The following IMPG2 variants were observed in gnomAD, a reference collection of about 807,000 sequenced individuals.
The protein encoded by IMPG2 is IPM 200.
In IMPG2, 91 loss-of-function variants were observed where a neutral mutation model predicts 129.2. That is an observed-to-expected ratio of 0.70 (90% CI 0.59 to 0.84). IMPG2 has a LOEUF of 0.84. IMPG2 is among the 40% of genes least tolerant of loss of function. The probability of loss-of-function intolerance (pLI) is 0.00; values close to 1 mark genes in which losing one functional copy is unlikely to be tolerated. For missense variants in IMPG2, 1,430 were observed against 1,461.7 expected (o/e 0.98, Z 0.35); for synonymous variants, 510 against 517.7 (o/e 0.99, Z 0.20).
At chr3:101,275,849 G>A in intron 5 of IMPG2, 104 bp from the exon 6 acceptor site, 1 of 855,654 alleles carries the variant, frequency 1.2e-6, no homozygotes, top group South Asian at 1.4e-5. Context: ...CCTATAAATA[G>A]TTTGTTTTAT....
chr3:101,225,380 T>C lies in IMPG2; in HGVS notation c.*1589A>G, dbSNP rs6798685. On this transcript the variant is annotated 3_prime_UTR_variant, in exon 19 of 19. Coordinates refer to ENST00000193391, the MANE Select transcript of IMPG2 (RefSeq NM_016247.4). ...GGAGCCACCTTGGCGCGGGCGCACA[T>C]GCGCATTAGCGCGCACACGCACACA... is the stretch of plus-strand genomic sequence containing the variant. The C allele has an allele frequency of 0.13, 19,911 of 152,402 alleles. 1,368 individuals carry two copies. Among genetic ancestry groups the C allele is most frequent in the South Asian group, 0.17 (827 of 4,830 alleles). The allele number at this position is 152,402 out of a possible 1,614,324, so 9.4% of individuals were successfully genotyped here. A position where few individuals can be genotyped will look rare whatever the true frequency, so the allele number is the denominator to read the frequency against.
chr3:101,305,203 T>C (rs1384526259), intron 2 of IMPG2, among the ~76,000 whole-genome samples: 1 of 152,108 alleles, frequency 6.6e-6, no homozygotes, highest in African/African-American at 2.4e-5. Flanking sequence ...TGGAGAAAAC[T>C]TTAATGCACA....
intron 13 of IMPG2, 81 bp downstream of exon 13, chr3:101,243,448 A>T (rs1001109422): frequency 8.0e-7 from 1 of 1,251,706 alleles, no homozygotes; most frequent in Non-Finnish European, 1.2e-6. Context: ...TCCCTGGCTC[A>T]GACCTTATGT....
At position 101,286,793 on chromosome 3, in the gene IMPG2, T is replaced by C. The variant is rs1706950364; in HGVS notation, c.533+4686A>G. 4.6e-5 allele frequency among the ~76,000 whole-genome samples: 7 copies of C among 152,172 alleles called. No homozygotes were observed. The South Asian group carries it at 1.4e-3, about 31-fold the overall frequency. ...GTGAAGGAGAGAATGAAGGTGTTTG[T>C]TTCCAGCTGATGCACAGAAAGATGG... is the stretch of plus-strand genomic sequence containing the variant. On this transcript the variant is annotated intron_variant, in intron 4 of 18. Transcript: ENST00000193391.
In IMPG2 at chr3:101,223,209, T is replaced by G. The variant is rs1358952594; in HGVS notation, c.*3760A>C. On this transcript the variant is annotated 3_prime_UTR_variant, in exon 19 of 19. Transcript: ENST00000193391. ...AGAATAGTGACCGTCACATCATTTT[T>G]CTGCATTTATTACACAATTGGGAGA... 1 of 152,238 alleles carries G rather than the reference T, an allele frequency of 6.6e-6. No homozygotes were observed. The highest frequency in any genetic ancestry group is 2.4e-5 in the African/African-American group (1 of 41,472). 9.4% of individuals were successfully genotyped at this position (152,238 alleles called of 1,614,324 possible).
Position 101,273,693 on chromosome 3 carries a change from C to A in IMPG2, c.716G>T (p.Gly239Val). 1 of 1,614,108 alleles carries A rather than the reference C, an allele frequency of 6.2e-7. No homozygotes were observed. Among genetic ancestry groups the A allele is most frequent in the Non-Finnish European group, 8.5e-7 (1 of 1,179,992 alleles). The change falls in exon 7 of 19, where the codon GGT becomes GTT. Residue 239 changes from glycine (G) to valine (V), a missense_variant. Gly to Val is a moderately radical substitution (Grantham distance 109). Coordinates refer to ENST00000193391, the MANE Select transcript of IMPG2 (RefSeq NM_016247.4). ...NVIEEATKPAGEQIAEFSIHL... is the reference protein window; with the variant it reads ...NVIEEATKPAVEQIAEFSIHL... ...GATACTGAATTCTGCAATCTGTTCA[C>A]CTGCTGGTTTTGTGGCTTCTTCTAT...
Position 101,275,684 on chromosome 3 carries a change from G to A in IMPG2, c.645C>T (p.Ser215=). ...VDAYEGASES[S]LERPEESISN... Reference sequence around the variant, plus strand: ...TCACACTCTCCTCTGGCCTTTCCAAGCTGCTCTCTGAGGCACCTTCATAGG... The same window carrying A: ...TCACACTCTCCTCTGGCCTTTCCAAACTGCTCTCTGAGGCACCTTCATAGG... Residue 215 remains serine, a synonymous_variant, in exon 6 of 19, where the codon AGC becomes AGT. Coordinates refer to ENST00000193391, the MANE Select transcript of IMPG2 (RefSeq NM_016247.4). 1 of 1,613,476 alleles carries A rather than the reference G, an allele frequency of 6.2e-7. No individual in the cohort carries two copies. Among genetic ancestry groups the A allele is most frequent in the Non-Finnish European group, 8.5e-7 (1 of 1,179,430 alleles).
intron 12 of IMPG2, 119 bp from the exon 13 acceptor site, chr3:101,244,906 T>G: frequency 1.2e-6 from 1 of 859,484 alleles, no homozygotes; most frequent in Admixed American, 2.1e-5. Context: ...AATTGTTGAC[T>G]TTTGCTTTTC....
intron 11 of IMPG2, among the ~76,000 whole-genome samples, chr3:101,247,168 T>C (rs1413819939): frequency 6.6e-6 from 1 of 152,128 alleles, no homozygotes; most frequent in Non-Finnish European, 1.5e-5. Context: ...GAAGTTTATA[T>C]AGTTCAGTCT....
chr3:101,226,175 C>G lies in IMPG2; in HGVS notation c.*794G>C, dbSNP rs1451498844. The G allele has an allele frequency of 6.8e-6, 1 of 147,142 alleles. No individual in the cohort carries two copies. The highest frequency in any genetic ancestry group is 1.5e-5 in the Non-Finnish European group (1 of 66,628). The allele number at this position is 147,142 out of a possible 1,614,324, so 9.1% of individuals were successfully genotyped here. A position where few individuals can be genotyped will look rare whatever the true frequency, so the allele number is the denominator to read the frequency against. ...TCTTGACCCGACACTCACTCCCTCC[C>G]TGCCCATGTGATTAAATTTGTCTTT... On this transcript the variant is annotated 3_prime_UTR_variant, in exon 19 of 19. Coordinates refer to ENST00000193391, the MANE Select transcript of IMPG2 (RefSeq NM_016247.4).
chr3:101,316,054 C>T (rs987094897), intron 2 of IMPG2, among the ~76,000 whole-genome samples: 2 of 151,834 alleles, frequency 1.3e-5, no homozygotes, highest in African/African-American at 2.4e-5. Context: ...GGTATTGGAA[C>T]AATTAGCTAT....
chr3:101,304,364 C>T, intron 2 of IMPG2, 52 bp from the exon 3 acceptor site: 1 of 1,512,878 alleles, frequency 6.6e-7, no homozygotes, highest in Non-Finnish European at 9.2e-7. Context: ...CTCTGGGGTT[C>T]TTACAATGAT....
chr3:101,231,986 T>C (rs977838692), intron 15 of IMPG2, among the ~76,000 whole-genome samples: 2 of 152,206 alleles, frequency 1.3e-5, no homozygotes, highest in African/African-American at 4.8e-5. Flanking sequence ...TTAAATACTT[T>C]AAAGTTTTTA....
chr3:101,307,032 C>A (rs1054191830), intron 2 of IMPG2, among the ~76,000 whole-genome samples: 3 of 152,126 alleles, frequency 2.0e-5, no homozygotes, highest in Non-Finnish European at 4.4e-5. Flanking sequence ...ATAATTCCTA[C>A]AACTCCCTAA....
intron 2 of IMPG2, among the ~76,000 whole-genome samples, chr3:101,315,356 T>G (rs517698): frequency 0.74 from 113,116 of 152,010 alleles, 42,624 homozygotes; most frequent in East Asian, 0.84. Context: ...GTAAGAAAAT[T>G]ATTGTTTTTT....
chr3:101,257,875 T>C (rs1706628913), intron 9 of IMPG2, 102 bp from the exon 10 acceptor site: 3 of 1,305,888 alleles, frequency 2.3e-6, no homozygotes, highest in Admixed American at 1.7e-5. Flanking sequence ...AGGGGGAGTC[T>C]CAAAGAGCAT....
intron 8 of IMPG2, among the ~76,000 whole-genome samples, chr3:101,268,443 G>A (rs1426766014): frequency 3.3e-5 from 5 of 152,310 alleles, no homozygotes; most frequent in Middle Eastern, 6.8e-3. Flanking sequence ...GACTAGGTAA[G>A]TAGGACAACT....
At chr3:101,280,216 A>T (rs984358025) in intron 4 of IMPG2, among the ~76,000 whole-genome samples, 5 of 152,252 alleles carry the variant, frequency 3.3e-5, no homozygotes, top group Non-Finnish European at 2.9e-5. Flanking sequence ...TCATGTCAAC[A>T]GCTGCTCATA....
At position 101,263,612 on chromosome 3, in the gene IMPG2, G is replaced by A. The variant is rs574608006; in HGVS notation, c.908+3899C>T. On this transcript the variant is annotated intron_variant, in intron 9 of 18. Transcript: ENST00000193391. ...TACATCAAACAACTAAAAAGATTTC[G>A]AATAAACAACTTAACAATGCATCTC... 5.3e-5 allele frequency among the ~76,000 whole-genome samples: 8 copies of A among 151,474 alleles called. No homozygotes were observed. In the South Asian group the frequency reaches 8.3e-4, roughly 16 times the overall value.
Sources: allele counts gnomAD v4.1 joint callset (sites outside exome capture counted in the v4.1 genomes callset), GRCh38; gene constraint gnomAD v4.1.1; transcripts MANE v1.5; gene names NCBI Gene and HGNC (gene_info 2026-07-23, HGNC 2026-07-21).